The following GOLGA6L7 variants were observed in gnomAD, a reference collection of about 807,000 sequenced individuals.
GOLGA6L7 encodes golgin subfamily A member 6-like protein 7.
Under a neutral mutation model 68.9 loss-of-function variants are expected in GOLGA6L7, and 29 were observed. That is an observed-to-expected ratio of 0.42 (90% CI 0.31 to 0.57). GOLGA6L7 has a LOEUF of 0.57. Ranked by LOEUF, GOLGA6L7 falls within the 20% of genes least tolerant of loss-of-function variation. The probability of loss-of-function intolerance (pLI) is 0.13; values close to 1 mark genes in which losing one functional copy is unlikely to be tolerated. For missense variants in GOLGA6L7, 396 were observed against 588.4 expected, an observed-to-expected ratio of 0.67 and a Z score of 3.38; for synonymous variants, 133 against 197.4, an observed-to-expected ratio of 0.67 and a Z score of 2.73.
chr15:28,845,058 T>G, intron 6 of GOLGA6L7: 2 of 286,532 alleles, frequency 7.0e-6, no homozygotes, highest in South Asian at 3.4e-5. Flanking sequence ...CCAACACTGT[T>G]CCTCTCTCCT....
At chr15:28,844,133 AC>A in intron 7 of GOLGA6L7, 71 bp downstream of exon 7, 3 of 368,336 alleles carry the variant, frequency 8.1e-6, no homozygotes. Flanking sequence ...GCTCACCTGT[AC>A]CCCCCACCTC....
chr15:28,847,618 C>T (rs1157748105), intron 1 of GOLGA6L7, among the ~76,000 whole-genome samples: 2 of 152,256 alleles, frequency 1.3e-5, no homozygotes, highest in Non-Finnish European at 2.9e-5. Context: ...AGAGAGAAGT[C>T]TTGTATACTC....
intron 6 of GOLGA6L7, among the ~76,000 whole-genome samples, chr15:28,844,488 T>A (rs983232576): frequency 1.4e-5 from 2 of 146,120 alleles, no homozygotes; most frequent in Admixed American, 1.4e-4. Context: ...TGGAGTGCAA[T>A]GGCGCGATCT....
At chr15:28,846,657 A>G (rs1358075621) in intron 2 of GOLGA6L7, 1 of 357,598 alleles carries the variant, frequency 2.8e-6, no homozygotes, top group Admixed American at 4.5e-5. Context: ...CCTTGGCCCC[A>G]AGGTTTCCAT....
chr15:28,844,433 T>C (rs2030335062), intron 6 of GOLGA6L7, among the ~76,000 whole-genome samples, 170 bp from the exon 7 acceptor site: 1 of 147,656 alleles, frequency 6.8e-6, no homozygotes, highest in East Asian at 2.0e-4. Flanking sequence ...TTCTTTTCTT[T>C]TTTTTTTTTT....
At position 28,842,339 on chromosome 15, in the gene GOLGA6L7, G is replaced by C. The variant is rs573416875; in HGVS notation, c.1765C>G (p.Pro589Ala). 5.0e-5 allele frequency: 61 copies of C among 1,231,242 alleles called. No homozygotes were observed. In the African/African-American group the frequency reaches 9.0e-4, roughly 18 times the overall value. The allele number at this position is 1,231,242 out of a possible 1,614,324, so 76.3% of individuals were successfully genotyped here. The change falls in exon 9 of 9, where the codon CCT becomes GCT. Residue 589 changes from proline (P) to alanine (A), a missense_variant. This residue lies in a region of GOLGA6L7 where 125 missense variants were observed against 163.3 expected (regional missense o/e 0.77). Coordinates refer to ENST00000567390, the MANE Select transcript of GOLGA6L7 (RefSeq NM_001365371.2). ...CGCTCCTGGGCGTTCTTCATTCCAG[G>C]GGGCAGCTGCATGATCTGTGCAGTG... ...NRTAQIMQLP[P>A]GMKNAQERPG...
At position 28,843,252 on chromosome 15, in the gene GOLGA6L7, C is replaced by T. The variant is rs1465842728; in HGVS notation, c.852G>A (p.Gln284=). ...QEQQMQEQEE[Q]MRKQEEQMRK... ...GCATCTGCTCCTCCTGCTTCCGCAT[C>T]TGCTCCTCCTGCTCCTGCATCTGCT... The change falls in exon 9 of 9, where the codon CAG becomes CAA. Residue 284 remains glutamine, a synonymous_variant. Transcript: ENST00000567390. 1 of 1,299,270 alleles carries T rather than the reference C, an allele frequency of 7.7e-7. No homozygotes were observed. The highest frequency in any genetic ancestry group is 9.8e-7 in the Non-Finnish European group (1 of 1,021,102). 80.5% of individuals were successfully genotyped at this position (1,299,270 alleles called of 1,614,324 possible). A position where few individuals can be genotyped will look rare whatever the true frequency, so the allele number is the denominator to read the frequency against.
chr15:28,843,499 T>A, intron 8 of GOLGA6L7, 59 bp from the exon 9 acceptor site: 1 of 466,292 alleles, frequency 2.1e-6, no homozygotes, highest in Non-Finnish European at 3.7e-6. Context: ...AAATAACGGT[T>A]TTCGTCTATG....
At chr15:28,848,377 GC>G in intron 1 of GOLGA6L7, 121 bp downstream of exon 1, 1 of 620,106 alleles carries the variant, frequency 1.6e-6, no homozygotes, top group Non-Finnish European at 2.8e-6. Flanking sequence ...GAGCCCAGAG[GC>G]ACTGGGGGGG....
At chr15:28,846,856 C>T in intron 2 of GOLGA6L7, 2 of 515,950 alleles carry the variant, frequency 3.9e-6, no homozygotes, top group Non-Finnish European at 6.7e-6. Flanking sequence ...ACATTACCAT[C>T]CCCATTTTAC....
At chr15:28,846,834 C>T (rs2030450929) in intron 2 of GOLGA6L7, 1 of 497,980 alleles carries the variant, frequency 2.0e-6, no homozygotes, top group East Asian at 3.7e-5. Context: ...AAGCTTCACA[C>T]ATGTAAGTAA....
In GOLGA6L7 at chr15:28,842,487, C is replaced by T. The variant is rs967940292; in HGVS notation, c.1617G>A (p.Lys539=). The change falls in exon 9 of 9, where the codon AAG becomes AAA. Residue 539 remains lysine (K), a synonymous_variant. Coordinates refer to ENST00000567390, the MANE Select transcript of GOLGA6L7 (RefSeq NM_001365371.2). ...EKKERMGEQE[K]TQEERCSEPC... ...GCTCTGAGCACCGCTCCTCCTGCGT[C>T]TTCTCCTGCTCTCCCATCCTCTCCT... 5.1e-6 allele frequency: 6 copies of T among 1,180,624 alleles called. No individual in the cohort carries two copies. In the African/African-American group the frequency reaches 9.5e-5, roughly 19 times the overall value. The allele number at this position is 1,180,624 out of a possible 1,614,324, so 73.1% of individuals were successfully genotyped here. A position where few individuals can be genotyped will look rare whatever the true frequency, so the allele number is the denominator to read the frequency against.
At chr15:28,844,514 T>C (rs2030341190) in intron 6 of GOLGA6L7, among the ~76,000 whole-genome samples, 1 of 141,060 alleles carries the variant, frequency 7.1e-6, no homozygotes. Context: ...CACCGCAACC[T>C]CCGCCTCCCG....
chr15:28,846,296 C>T (rs1595357762), intron 2 of GOLGA6L7, 47 bp from the exon 3 acceptor site: 1 of 757,458 alleles, frequency 1.3e-6, no homozygotes, highest in African/African-American at 1.7e-5. Flanking sequence ...TCCCTCGACT[C>T]TATTCCCCAG....
At chr15:28,847,558 C>A (rs1160923867) in intron 1 of GOLGA6L7, among the ~76,000 whole-genome samples, 11 of 152,224 alleles carry the variant, frequency 7.2e-5, no homozygotes, top group African/African-American at 1.9e-4. Flanking sequence ...GGCAGCCTTT[C>A]TGTTAAATGT....
At chr15:28,845,676 A>T in intron 5 of GOLGA6L7, 41 bp from the exon 6 acceptor site, 1 of 753,326 alleles carries the variant, frequency 1.3e-6, no homozygotes, top group Non-Finnish European at 2.4e-6. Context: ...AAGGCCTGTG[A>T]AAGTGCCAGG....
At chr15:28,845,176 T>A in intron 6 of GOLGA6L7, 1 of 418,616 alleles carries the variant, frequency 2.4e-6, no homozygotes. Context: ...GTACATGTGT[T>A]CCCTCTCTCT....
At position 28,843,208 on chromosome 15, in the gene GOLGA6L7, A is replaced by C. The variant is rs2030278964; in HGVS notation, c.896T>G (p.Met299Arg). 1.4e-6 allele frequency: 1 copy of C among 704,730 alleles called. No homozygotes were observed. The highest frequency in any genetic ancestry group is 2.1e-6 in the Non-Finnish European group (1 of 476,166). 43.7% of individuals were successfully genotyped at this position (704,730 alleles called of 1,614,324 possible). The stretch of plus-strand genomic sequence containing the variant: ...CCGCATCTGCTCCTCCTGCTTCCGC[A>C]TCTGCTCCTCCTGCTTCCGCATCTG... ...EEQMRKQEEQ[M>R]RKQEEQMRKQ... Residue 299 changes from methionine (M) to arginine (R), a missense_variant, in exon 9 of 9, where the codon ATG (methionine) becomes AGG (arginine). Physicochemically the swap from Met to Arg is moderately conservative, Grantham distance 91. Coordinates refer to ENST00000567390, the MANE Select transcript of GOLGA6L7 (RefSeq NM_001365371.2).
chr15:28,848,627 C>CCACA lies in GOLGA6L7; in HGVS notation c.-82_-79dup. The CCACA allele has an allele frequency of 1.4e-6, 1 of 739,392 alleles. No homozygotes were observed. The highest frequency in any genetic ancestry group is 1.4e-5 in the South Asian group (1 of 70,922). The allele number at this position is 739,392 out of a possible 1,614,324, so 45.8% of individuals were successfully genotyped here. ...ACAGTGATATGCCTCCAGTCACGTA[C>CCACA]CACACAGCTATGTGACTGAGCCACA... On this transcript the variant is annotated 5_prime_UTR_variant, in exon 1 of 9. Transcript: ENST00000567390.
Sources: allele counts gnomAD v4.1 joint callset (sites outside exome capture counted in the v4.1 genomes callset), GRCh38; gene constraint gnomAD v4.1.1; regional missense constraint gnomAD v4.1.1; transcripts MANE v1.5; gene names NCBI Gene and HGNC (gene_info 2026-07-23, HGNC 2026-07-21).